N4BP2L2: variants seen among roughly 807,000 people sequenced by gnomAD.
N4BP2L2 encodes NEDD4 binding protein 2 like 2, also known as NEDD4-binding protein 2-like 2.
In N4BP2L2, 50 loss-of-function variants were observed where a neutral mutation model predicts 56.2. The ratio of observed to expected loss-of-function variants is 0.89; its 90% confidence interval spans 0.71 to 1.13. The LOEUF (loss-of-function observed/expected upper bound fraction) is 1.13, where lower values mean the gene tolerates loss of function less well. N4BP2L2 is among the 50% of genes most tolerant of loss of function. The probability of loss-of-function intolerance (pLI) is 0.00; values close to 1 mark genes in which losing one functional copy is unlikely to be tolerated. For synonymous variants in N4BP2L2, 203 were observed against 223.6 expected (o/e 0.91, Z 0.82); for missense variants, 689 against 693.8 (o/e 0.99, Z 0.08).
chr13:32,535,656 G>T, intron 2 of N4BP2L2, 113 bp downstream of exon 2: 1 of 1,152,928 alleles, frequency 8.7e-7, no homozygotes, highest in Non-Finnish European at 1.2e-6. Flanking sequence ...GGTCCACCCT[G>T]GCCTCCCAAA....
exon 8 of N4BP2L2, chr13:32,438,683 A>T: frequency 6.2e-7 from 1 of 1,610,616 alleles, no homozygotes; most frequent in African/African-American, 1.3e-5. Flanking sequence ...CAAGTAGATC[A>T]TCTTTAGTGT....
intron 6 of N4BP2L2, among the ~76,000 whole-genome samples, chr13:32,491,654 C>A (rs1268040016): frequency 7.4e-6 from 1 of 135,532 alleles, no homozygotes; most frequent in Non-Finnish European, 1.5e-5. Flanking sequence ...TTTTTTGAGA[C>A]GGAGTCTAAC....
At chr13:32,480,237 G>C (rs1450136319) in intron 6 of N4BP2L2, among the ~76,000 whole-genome samples, 1 of 152,150 alleles carries the variant, frequency 6.6e-6, no homozygotes, top group East Asian at 1.9e-4. Context: ...TGAGAGAAAA[G>C]AACTGTCAAC....
chr13:32,447,115 T>C (rs745635015), intron 6 of N4BP2L2, among the ~76,000 whole-genome samples: 3 of 152,244 alleles, frequency 2.0e-5, no homozygotes, highest in Non-Finnish European at 2.9e-5. Context: ...AAACAGAAGA[T>C]ACTCAGCTGG....
chr13:32,490,543 G>A (rs2086835787), intron 6 of N4BP2L2, among the ~76,000 whole-genome samples: 1 of 152,076 alleles, frequency 6.6e-6, no homozygotes, highest in Non-Finnish European at 1.5e-5. Context: ...GACCTTAGGT[G>A]ATCCACCCGC....
At chr13:32,474,892 A>G (rs1045102494) in intron 6 of N4BP2L2, among the ~76,000 whole-genome samples, 1 of 152,244 alleles carries the variant, frequency 6.6e-6, no homozygotes, top group African/African-American at 2.4e-5. Flanking sequence ...TACATGATCC[A>G]TGCATCCATA....
intron 6 of N4BP2L2, among the ~76,000 whole-genome samples, chr13:32,451,533 A>G (rs986235565): frequency 6.6e-6 from 1 of 152,024 alleles, no homozygotes. Flanking sequence ...GCTAGAAAAT[A>G]TAAGTTATTT....
chr13:32,513,634 C>A (rs1042633657), exon 6 of N4BP2L2: 3 of 152,078 alleles, frequency 2.0e-5, no homozygotes, highest in Non-Finnish European at 2.9e-5. Context: ...TCTAAAAAAT[C>A]ACTAACTTAA....
downstream of N4BP2L2, among the ~76,000 whole-genome samples, chr13:32,510,103 A>G (rs983667451): frequency 1.3e-5 from 2 of 152,104 alleles, no homozygotes; most frequent in Non-Finnish European, 2.9e-5. Flanking sequence ...CCTATTATAG[A>G]GAAAAAGCTC....
At chr13:32,538,060 G>A (rs2057011428) in intron 1 of N4BP2L2, among the ~76,000 whole-genome samples, 1 of 117,576 alleles carries the variant, frequency 8.5e-6, no homozygotes, top group African/African-American at 3.4e-5. Context: ...GACAGAGGGA[G>A]ACCCCGTCTT....
intron 9 of N4BP2L2, among the ~76,000 whole-genome samples, chr13:32,436,094 T>C (rs2075438937): frequency 6.6e-6 from 1 of 152,226 alleles, no homozygotes; most frequent in South Asian, 2.1e-4. Context: ...GATAGAATGT[T>C]ATAAAATATG....
intron 6 of N4BP2L2, among the ~76,000 whole-genome samples, chr13:32,491,751 C>G (rs1370359436): frequency 6.6e-6 from 1 of 151,392 alleles, no homozygotes; most frequent in Admixed American, 6.6e-5. Context: ...CCTGCCTCAG[C>G]CTCCCAAGTA....
At chr13:32,512,229 C>A (rs1453123413) in exon 6 of N4BP2L2, 1 of 151,966 alleles carries the variant, frequency 6.6e-6, no homozygotes, top group Non-Finnish European at 1.5e-5. Context: ...CAAAGTATTT[C>A]AATCTTCCCA....
At chr13:32,493,569 A>G (rs1267446409) in intron 6 of N4BP2L2, among the ~76,000 whole-genome samples, 1 of 152,206 alleles carries the variant, frequency 6.6e-6, no homozygotes, top group Non-Finnish European at 1.5e-5. Context: ...GAGTTGGATG[A>G]GTCCCCCCGC....
intron 6 of N4BP2L2, among the ~76,000 whole-genome samples, chr13:32,495,313 C>T (rs538735402): frequency 6.6e-6 from 1 of 152,218 alleles, no homozygotes; most frequent in East Asian, 1.9e-4. Flanking sequence ...CTCAAGGATC[C>T]TTAGTAACCC....
chr13:32,538,763 G>A lies in N4BP2L2; in HGVS notation c.-146C>T, dbSNP rs116740524. The A allele has an allele frequency of 3.8e-5, 37 of 985,414 alleles. No individual in the cohort carries two copies. In the African/African-American group the frequency reaches 5.8e-4, roughly 15 times the overall value. 61.0% of individuals were successfully genotyped at this position (985,414 alleles called of 1,614,324 possible). A position where few individuals can be genotyped will look rare whatever the true frequency, so the allele number is the denominator to read the frequency against. ...CTAAAAGCCCACCTCTCAGAATCGCGGTAACAAACCTCACCTCCGTACGCA... is the reference window on the plus strand; with the variant it reads ...CTAAAAGCCCACCTCTCAGAATCGCAGTAACAAACCTCACCTCCGTACGCA... On this transcript the variant is annotated 5_prime_UTR_variant, in exon 1 of 6. Transcript: ENST00000267068.
At chr13:32,472,695 A>C (rs1410474133) in intron 6 of N4BP2L2, among the ~76,000 whole-genome samples, 1 of 152,224 alleles carries the variant, frequency 6.6e-6, no homozygotes, top group East Asian at 1.9e-4. Context: ...CGTGAGATGA[A>C]GCTAGCTGAG....
At position 32,459,274 on chromosome 13, in the gene N4BP2L2, A is replaced by G. The variant is rs1340478577; in HGVS notation, c.366-15148T>C. Reference sequence around the variant, plus strand: ...CAACCCCAAATTAATAGAAGAAAAGAAATATTAAAAATCAGAGAAGTAAAA... The same window carrying G: ...CAACCCCAAATTAATAGAAGAAAAGGAATATTAAAAATCAGAGAAGTAAAA... On this transcript the variant is annotated intron_variant, in intron 6 of 9. Coordinates refer to the N4BP2L2 transcript ENST00000357505. 3.3e-5 allele frequency among the ~76,000 whole-genome samples: 5 copies of G among 152,164 alleles called. No homozygotes were observed. The East Asian group carries it at 7.7e-4, about 23-fold the overall frequency.
chr13:32,468,108 A>T (rs2081567146), intron 6 of N4BP2L2, among the ~76,000 whole-genome samples: 1 of 152,196 alleles, frequency 6.6e-6, no homozygotes, highest in African/African-American at 2.4e-5. Context: ...TTCATATCCC[A>T]GGTAGGAAGT....
Sources: allele counts gnomAD v4.1 joint callset (sites outside exome capture counted in the v4.1 genomes callset), GRCh38; gene constraint gnomAD v4.1.1; transcripts MANE v1.5; gene names NCBI Gene and HGNC (gene_info 2026-07-23, HGNC 2026-07-21).